Variants in PPP1R21 observed in about 807,000 individuals in gnomAD.
PPP1R21 encodes KLRAQ motif containing 1.
A neutral mutation model predicts 112.8 loss-of-function variants in PPP1R21; 85 were observed. That is an observed-to-expected ratio of 0.75 (90% CI 0.63 to 0.90). PPP1R21 has a LOEUF of 0.90. PPP1R21 is among the 40% of genes least tolerant of loss of function. The probability of loss-of-function intolerance (pLI) is 0.00; values close to 1 mark genes in which losing one functional copy is unlikely to be tolerated. For synonymous variants in PPP1R21, 381 were observed against 322.3 expected (o/e 1.18, Z -1.95); for missense variants, 1,199 against 901.5 (o/e 1.33, Z -4.23).
intron 12 of PPP1R21, among the ~76,000 whole-genome samples, chr2:48,477,594 C>G (rs1668815151): frequency 6.6e-6 from 1 of 151,794 alleles, no homozygotes. Flanking sequence ...GATCTGTCCA[C>G]ACCAGTACCA....
chr2:48,501,367 C>G (rs951994354), intron 17 of PPP1R21, among the ~76,000 whole-genome samples: 2 of 152,162 alleles, frequency 1.3e-5, no homozygotes, highest in African/African-American at 4.8e-5. Flanking sequence ...CCAGACTAGA[C>G]CAGGGAGGGT....
chr2:48,442,824 C>G (rs1667092430), intron 1 of PPP1R21, among the ~76,000 whole-genome samples: 1 of 151,966 alleles, frequency 6.6e-6, no homozygotes, highest in Non-Finnish European at 1.5e-5. Context: ...ATAATTTGGA[C>G]CCTATTATGA....
At chr2:48,457,628 A>C (rs927914340) in intron 3 of PPP1R21, among the ~76,000 whole-genome samples, 2 of 152,090 alleles carry the variant, frequency 1.3e-5, no homozygotes, top group Non-Finnish European at 2.9e-5. Flanking sequence ...TAATAGCTTT[A>C]TTTTATATAT....
chr2:48,465,203 C>G (rs1426096662), intron 8 of PPP1R21, among the ~76,000 whole-genome samples: 1 of 152,164 alleles, frequency 6.6e-6, no homozygotes, highest in East Asian at 1.9e-4. Flanking sequence ...TGTCTGATAA[C>G]ATTAGAACTA....
intron 21 of PPP1R21, among the ~76,000 whole-genome samples, chr2:48,513,499 A>T (rs767841301): frequency 2.0e-5 from 3 of 151,904 alleles, no homozygotes; most frequent in Non-Finnish European, 4.4e-5. Flanking sequence ...CGTGAATCAC[A>T]GCACACAGCA....
chr2:48,498,179 ATGTT>A (rs1669935569), intron 16 of PPP1R21, among the ~76,000 whole-genome samples: 1 of 150,302 alleles, frequency 6.7e-6, no homozygotes, highest in Non-Finnish European at 1.5e-5. Flanking sequence ...AATTCCTTGT[ATGTT>A]CTAGTTATTG....
intron 3 of PPP1R21, among the ~76,000 whole-genome samples, chr2:48,456,675 C>G (rs552941311): frequency 6.6e-6 from 1 of 152,192 alleles, no homozygotes; most frequent in South Asian, 2.1e-4. Context: ...GAAGCATTCC[C>G]GAGAGTGTTA....
At chr2:48,469,527 T>G (rs892288250) in intron 9 of PPP1R21, among the ~76,000 whole-genome samples, 3,677 of 59,460 alleles carry the variant, frequency 0.062, 411 homozygotes, top group African/African-American at 0.14. Context: ...TATATATATA[T>G]ATATATATAG....
intron 11 of PPP1R21, 135 bp downstream of exon 11, chr2:48,471,502 T>C (rs1168808835): frequency 1.2e-6 from 1 of 850,306 alleles, no homozygotes; most frequent in East Asian, 2.6e-5. Flanking sequence ...TGGACTTCCG[T>C]GAAAAAGGAA....
At chr2:48,503,826 AC>A (rs1272953501) in intron 17 of PPP1R21, among the ~76,000 whole-genome samples, 3 of 151,600 alleles carry the variant, frequency 2.0e-5, no homozygotes, top group African/African-American at 7.3e-5. Flanking sequence ...GGTGGTGGGC[AC>A]CTGTAATCCC....
chr2:48,495,802 T>A, intron 16 of PPP1R21, 31 bp downstream of exon 16: 1 of 1,253,044 alleles, frequency 8.0e-7, no homozygotes, highest in South Asian at 1.2e-5. Flanking sequence ...TGGAAATTGT[T>A]AAAGAACAGA....
At chr2:48,474,915 C>T in intron 12 of PPP1R21, 96 bp downstream of exon 12, 1 of 1,047,540 alleles carries the variant, frequency 9.5e-7, no homozygotes, top group Non-Finnish European at 1.4e-6. Context: ...GTGAGAGGAG[C>T]ATAGGATCTG....
At chr2:48,474,348 A>T (rs1424364592) in intron 11 of PPP1R21, among the ~76,000 whole-genome samples, 1 of 152,192 alleles carries the variant, frequency 6.6e-6, no homozygotes, top group African/African-American at 2.4e-5. Flanking sequence ...GCGCCACTGT[A>T]CTCGAATCTG....
intron 16 of PPP1R21, among the ~76,000 whole-genome samples, chr2:48,497,683 A>T (rs1213470147): frequency 7.4e-6 from 1 of 134,348 alleles, no homozygotes. Context: ...ACGGAGTCTT[A>T]CTCTGTCGCC....
chr2:48,493,375 T>C (rs114743978), intron 15 of PPP1R21, among the ~76,000 whole-genome samples: 2,852 of 152,334 alleles, frequency 0.019, 96 homozygotes, highest in African/African-American at 0.064. Context: ...ATGTTAATTT[T>C]GTGTTTATGT....
chr2:48,504,258 A>T (rs902769054), intron 17 of PPP1R21, among the ~76,000 whole-genome samples: 4 of 152,240 alleles, frequency 2.6e-5, no homozygotes, highest in Non-Finnish European at 5.9e-5. Flanking sequence ...TTTTACAGCC[A>T]GGTGGGCATA....
At chr2:48,510,166 T>C in intron 20 of PPP1R21, 53 bp downstream of exon 20, 9 of 1,373,284 alleles carry the variant, frequency 6.6e-6, no homozygotes, top group Non-Finnish European at 8.2e-6. Context: ...GAAAGTTCTT[T>C]GGTAGCAAAG....
intron 9 of PPP1R21, among the ~76,000 whole-genome samples, chr2:48,470,233 T>C (rs1174067816): frequency 2.0e-5 from 3 of 152,142 alleles, no homozygotes; most frequent in Non-Finnish European, 4.4e-5. Context: ...TAAAAAGTTA[T>C]TAAGCTGGGC....
At chr2:48,457,869 A>T (rs1572838324) in intron 3 of PPP1R21, 1 of 377,710 alleles carries the variant, frequency 2.6e-6, no homozygotes, top group East Asian at 6.5e-5. Flanking sequence ...TCCTGAATTC[A>T]TCTGCAAAGA....
Sources: allele counts gnomAD v4.1 joint callset (sites outside exome capture counted in the v4.1 genomes callset), GRCh38; gene constraint gnomAD v4.1.1; transcripts MANE v1.5; gene names NCBI Gene and HGNC (gene_info 2026-07-23, HGNC 2026-07-21).